DPEP1: variants seen among roughly 807,000 people sequenced by gnomAD.
DPEP1 encodes dipeptidase 1.
DPEP1 carries 50 observed loss-of-function variants against 42.3 expected under a neutral mutation model. That is an observed-to-expected ratio of 1.18 (90% CI 0.94 to 1.50). DPEP1 has a LOEUF of 1.50. DPEP1 is among the 40% of genes most tolerant of loss of function. The pLI, the probability that DPEP1 is intolerant of heterozygous loss-of-function variation, is 0.00. For missense variants in DPEP1, 663 were observed against 553.0 expected, an observed-to-expected ratio of 1.20 and a Z score of -1.99; for synonymous variants, 297 against 234.0, an observed-to-expected ratio of 1.27 and a Z score of -2.46.
chr16:89,614,995 C>A (rs1300576778), intron 1 of DPEP1, among the ~76,000 whole-genome samples: 2 of 152,136 alleles, frequency 1.3e-5, no homozygotes, highest in South Asian at 2.1e-4. Context: ...GTCTAGTAGC[C>A]TCCACATCTC....
In DPEP1 at chr16:89,638,210, G is replaced by A. The variant is rs1294819202; in HGVS notation, c.1224G>A (p.Leu408=). 1.9e-6 allele frequency: 3 copies of A among 1,565,814 alleles called. No homozygotes were observed. The highest frequency in any genetic ancestry group is 1.8e-4 in the Middle Eastern group (1 of 5,652). ...CCCTCGCTCCCCTGGTCCTCTGTCT[G>A]TCTCTCCTGTGAAACCTGGGAGACC... ...LASLAPLVLC[L]SLL is the part of the protein sequence containing the mutation. The change falls in exon 11 of 11, where the codon CTG becomes CTA. Residue 408 remains leucine, a synonymous_variant. Coordinates refer to ENST00000690203, the MANE Select transcript of DPEP1 (RefSeq NM_001389466.1).
At chr16:89,639,904 G>A (rs941508147), downstream of DPEP1, among the ~76,000 whole-genome samples, 3 of 135,164 alleles carry the variant, frequency 2.2e-5, no homozygotes, top group Non-Finnish European at 3.2e-5. Context: ...TTCCAACCCC[G>A]ACCTCAGGTG....
At chr16:89,621,633 C>T (rs1255489540) in intron 1 of DPEP1, among the ~76,000 whole-genome samples, 1 of 152,218 alleles carries the variant, frequency 6.6e-6, no homozygotes, top group African/African-American at 2.4e-5. Flanking sequence ...CAGATGGGCC[C>T]CACGCTGAGT....
intron 1 of DPEP1, among the ~76,000 whole-genome samples, chr16:89,618,796 A>G (rs1378355671): frequency 1.3e-5 from 2 of 150,572 alleles, no homozygotes; most frequent in Non-Finnish European, 1.5e-5. Context: ...TTATAGATTA[A>G]TATTTATTTT....
chr16:89,626,967 TAGTC>T (rs924035841), intron 1 of DPEP1, among the ~76,000 whole-genome samples: 1 of 149,538 alleles, frequency 6.7e-6, no homozygotes, highest in Non-Finnish European at 1.5e-5. Flanking sequence ...AATAAAAAAT[TAGTC>T]AGACGTGGGG....
chr16:89,628,256 C>CTTTTTTTTTT (rs1206308709), intron 1 of DPEP1, among the ~76,000 whole-genome samples: 1 of 79,208 alleles, frequency 1.3e-5, no homozygotes. Context: ...TCTTTTCTTT[C>CTTTTTTTTTT]TTTTTTTTTT....
At chr16:89,637,145 C>T in intron 6 of DPEP1, 59 bp from the exon 7 acceptor site, 1 of 1,575,634 alleles carries the variant, frequency 6.3e-7, no homozygotes, top group Non-Finnish European at 8.6e-7. Flanking sequence ...TCCAGCCCGT[C>T]CACCTCCGCA....
At position 89,636,293 on chromosome 16, in the gene DPEP1, C is replaced by G; in HGVS notation, c.267C>G (p.Thr89=). The G allele has an allele frequency of 6.2e-7, 1 of 1,611,642 alleles. No homozygotes were observed. The highest frequency in any genetic ancestry group is 8.5e-7 in the Non-Finnish European group (1 of 1,179,612). The change falls in exon 4 of 11, where the codon ACC becomes ACG. Residue 89 remains threonine (T), a synonymous_variant. Transcript: ENST00000690203. ...QFWSVYTPCD[T]QNKDAVRRTL... ...GGTCCGTGTACACGCCCTGCGACAC[C>G]CAGAACAAAGACGCCGTGCGGAGGA...
intron 6 of DPEP1, 96 bp from the exon 7 acceptor site, chr16:89,637,108 C>T (rs1193490862): frequency 2.0e-6 from 3 of 1,537,668 alleles, no homozygotes; most frequent in Admixed American, 3.9e-5. Context: ...GGACTTCCAG[C>T]CACGAAGGAT....
chr16:89,635,785 T>A, intron 2 of DPEP1, 123 bp from the exon 3 acceptor site: 4 of 1,354,824 alleles, frequency 3.0e-6, no homozygotes, highest in Non-Finnish European at 3.9e-6. Context: ...CGGCCTAGAC[T>A]TCAGTCCTGC....
intron 1 of DPEP1, among the ~76,000 whole-genome samples, chr16:89,615,490 G>T (rs1424919815): frequency 6.6e-6 from 1 of 152,222 alleles, no homozygotes; most frequent in African/African-American, 2.4e-5. Flanking sequence ...AAGAGTAGGA[G>T]ACAGGGGTAA....
intron 2 of DPEP1, among the ~76,000 whole-genome samples, chr16:89,630,999 C>G (rs2059580712): frequency 6.6e-6 from 1 of 152,062 alleles, no homozygotes; most frequent in Non-Finnish European, 1.5e-5. Context: ...CAAGGCCACA[C>G]TCCCTGGTCC....
chr16:89,635,700 G>C (rs2059668460), intron 2 of DPEP1, among the ~76,000 whole-genome samples: 1 of 152,170 alleles, frequency 6.6e-6, no homozygotes, highest in African/African-American at 2.4e-5. Flanking sequence ...GGGGTTCCCT[G>C]CCCTGGGGGT....
chr16:89,615,353 C>A (rs1462157588), intron 1 of DPEP1, among the ~76,000 whole-genome samples: 2 of 152,160 alleles, frequency 1.3e-5, no homozygotes, highest in East Asian at 3.9e-4. Context: ...GGCAGGCGGG[C>A]CTGGCAGGGC....
At chr16:89,622,644 C>T (rs1435157540) in intron 1 of DPEP1, among the ~76,000 whole-genome samples, 3 of 151,862 alleles carry the variant, frequency 2.0e-5, no homozygotes, top group South Asian at 2.1e-4. Flanking sequence ...ATTAGTCGGG[C>T]GTGGTGGCGG....
Position 89,618,938 on chromosome 16 carries a change from C to G in DPEP1, c.-107+5219C>G, listed in dbSNP as rs150295887. Among the ~76,000 whole-genome samples, 474 of 116,034 alleles carry G rather than the reference C, an allele frequency of 4.1e-3. 19 individuals are homozygous for G. Among genetic ancestry groups the G allele is most frequent in the African/African-American group, 0.015 (449 of 30,110 alleles). The allele number at this position is 116,034 out of a possible 152,430, so 76.1% of individuals were successfully genotyped here. ...CTCCCTGCTCCCTCCCTGCAGCTCC[C>G]TGCCCCCCTGCTCCCCTCCCTGCAG... On this transcript the variant is annotated intron_variant, in intron 1 of 10. Transcript: ENST00000690203.
At chr16:89,628,001 C>T (rs1234362968) in intron 1 of DPEP1, among the ~76,000 whole-genome samples, 2 of 152,152 alleles carry the variant, frequency 1.3e-5, no homozygotes, top group African/African-American at 2.4e-5. Context: ...CGGCTCACTG[C>T]AAGCTCTGCC....
intron 1 of DPEP1, among the ~76,000 whole-genome samples, chr16:89,625,717 A>G (rs2059502879): frequency 6.6e-6 from 1 of 152,196 alleles, no homozygotes; most frequent in Non-Finnish European, 1.5e-5. Flanking sequence ...ATAAAACCCC[A>G]CGGAAAAGAC....
intron 1 of DPEP1, among the ~76,000 whole-genome samples, chr16:89,623,390 C>T (rs1235089642): frequency 6.6e-6 from 1 of 152,282 alleles, no homozygotes; most frequent in African/African-American, 2.4e-5. Context: ...AGAGCCCGCT[C>T]ACACATACGG....
Sources: gnomAD v4.1 joint callset for allele counts (sites outside exome capture counted in the v4.1 genomes callset) on GRCh38, gnomAD v4.1.1 for gene constraint, MANE v1.5 for transcripts, NCBI Gene and HGNC (gene_info 2026-07-23, HGNC 2026-07-21) for gene names.